The following SLC25A25 variants were observed in gnomAD, a reference collection of about 807,000 sequenced individuals.
The protein encoded by SLC25A25 is solute carrier family 25 member 25.
SLC25A25 carries 32 observed loss-of-function variants against 57.7 expected under a neutral mutation model. The ratio of observed to expected loss-of-function variants is 0.55; its 90% CI spans 0.42 to 0.74. The LOEUF (loss-of-function observed/expected upper bound fraction) is 0.74, where lower values mean the gene tolerates loss of function less well. Among genes scored for constraint, SLC25A25 ranks in the 30% least tolerant of loss-of-function variants. The pLI is 0.00. For missense variants in SLC25A25, 556 were observed against 701.3 expected, an observed-to-expected ratio of 0.79 and a Z score of 2.34; for synonymous variants, 306 against 291.2, an observed-to-expected ratio of 1.05 and a Z score of -0.52.
chr9:128,094,970 G>T (rs1007865726), intron 1 of SLC25A25, among the ~76,000 whole-genome samples: 3 of 152,210 alleles, frequency 2.0e-5, no homozygotes, highest in Non-Finnish European at 4.4e-5. Flanking sequence ...CACAAAGTCA[G>T]AATAATAAAG....
chr9:128,073,029 C>CT (rs760406880), intron 1 of SLC25A25, among the ~76,000 whole-genome samples: 3 of 152,172 alleles, frequency 2.0e-5, no homozygotes, highest in Non-Finnish European at 4.4e-5. Context: ...CACACCATCT[C>CT]TTTTGAGCCC....
chr9:128,074,043 T>C (rs1832957978), intron 1 of SLC25A25, among the ~76,000 whole-genome samples: 1 of 149,018 alleles, frequency 6.7e-6, no homozygotes, highest in South Asian at 2.1e-4. Flanking sequence ...CTTGAGAAGA[T>C]TTTTTTGTGT....
chr9:128,072,115 G>C (rs886722036), intron 1 of SLC25A25, among the ~76,000 whole-genome samples: 2 of 152,226 alleles, frequency 1.3e-5, no homozygotes, highest in African/African-American at 4.8e-5. Flanking sequence ...CTGTAAAGGA[G>C]CACAAGTTAG....
In SLC25A25 at chr9:128,108,329, G is replaced by C; in HGVS notation, c.*885G>C. ...CTTAATTATGGACTGTTGGGAAAAG[G>C]GTTTTGTCCAGAAGGACAAGCCGGA... On this transcript the variant is annotated 3_prime_UTR_variant, in exon 11 of 11. Transcript: ENST00000373069. The C allele has an allele frequency of 2.5e-6, 1 of 398,600 alleles. No homozygotes were observed. Among genetic ancestry groups the C allele is most frequent in the Non-Finnish European group, 4.4e-6 (1 of 226,080 alleles). The allele number at this position is 398,600 out of a possible 1,614,324, so 24.7% of individuals were successfully genotyped here.
rs566662551 is a variant in SLC25A25, at chr9:128,103,067, G to A, written c.624+586G>A. Among the ~76,000 whole-genome samples the A allele has an allele frequency of 6.6e-6, 1 of 152,178 alleles. No individual in the cohort carries two copies. Among genetic ancestry groups the A allele is most frequent in the Non-Finnish European group, 1.5e-5 (1 of 68,024 alleles). ...CGCTCCAGGAGGGGAGGCCAGAGGC[G>A]CTCCTCATCTGCCTCTCGCAGTGCC... On this transcript the variant is annotated intron_variant, in intron 5 of 10. Transcript: ENST00000373069. This position sits in a 1 kb window ranked among gnomAD's most constrained non-coding sequence, Gnocchi z 6.7.
intron 1 of SLC25A25, among the ~76,000 whole-genome samples, chr9:128,087,577 A>G (rs756224620): frequency 6.6e-6 from 1 of 152,190 alleles, no homozygotes; most frequent in Non-Finnish European, 1.5e-5. Flanking sequence ...TTTGTTGAGC[A>G]TCTTAGATTT....
chr9:128,071,608 C>T (rs1832909866), intron 1 of SLC25A25, among the ~76,000 whole-genome samples: 1 of 142,834 alleles, frequency 7.0e-6, no homozygotes. Flanking sequence ...AATGGGGTTT[C>T]ACCATGTTGG....
intron 1 of SLC25A25, among the ~76,000 whole-genome samples, chr9:128,072,697 CA>C (rs201092919): frequency 0.016 from 2,389 of 150,584 alleles, 59 homozygotes; most frequent in African/African-American, 0.056. Flanking sequence ...TGTTCTGGGA[CA>C]AAAAAAGGGA....
At position 128,101,292 on chromosome 9, in the gene SLC25A25, G is replaced by A. The variant is rs753524181; in HGVS notation, c.389-17G>A. The A allele has an allele frequency of 9.3e-6, 15 of 1,614,062 alleles. No homozygotes were observed. Among genetic ancestry groups the A allele is most frequent in the Middle Eastern group, 1.6e-4 (1 of 6,074 alleles). On this transcript the variant is annotated splice_polypyrimidine_tract_variant and intron_variant, in intron 2 of 10. Coordinates refer to ENST00000373069, the MANE Select transcript of SLC25A25 (RefSeq NM_001330988.2). The surrounding 1 kb of genome is among the most constrained non-coding windows in gnomAD (Gnocchi z 4.9). ...CCCCGTGCGCCTGGCTCCTGCTCAC[G>A]GCCTCTGTTCTTGCAGGACGCATTG...
intron 1 of SLC25A25, among the ~76,000 whole-genome samples, chr9:128,087,532 A>G (rs373692190): frequency 2.7e-4 from 41 of 152,302 alleles, no homozygotes; most frequent in African/African-American, 9.9e-4. Flanking sequence ...GTGATGTGCC[A>G]GAGTTCGTTT....
In SLC25A25 at chr9:128,086,189, A is replaced by T. The variant is rs963619321; in HGVS notation, c.262-14907A>T. ...TTGTTGTTGTTTTTTTTTAGACAAG[A>T]TCTCACTCTGTTGCCCAGGCTAGAA... On this transcript the variant is annotated intron_variant, in intron 1 of 10. Coordinates refer to ENST00000373069, the MANE Select transcript of SLC25A25 (RefSeq NM_001330988.2). Among the ~76,000 whole-genome samples, 3 of 151,496 alleles carry T rather than the reference A, an allele frequency of 2.0e-5. No individual in the cohort carries two copies. The East Asian group carries it at 5.8e-4, about 29-fold the overall frequency.
At chr9:128,100,890 G>C in intron 1 of SLC25A25, 1 of 624,022 alleles carries the variant, frequency 1.6e-6, no homozygotes, top group South Asian at 2.0e-5. Flanking sequence ...CCTGGGTTCT[G>C]GCCAGCACCT....
In SLC25A25 at chr9:128,107,026, T is replaced by C. The variant is rs1162216508; in HGVS notation, c.1213-3T>C. On this transcript the variant is annotated splice_region_variant and splice_polypyrimidine_tract_variant and intron_variant, in intron 9 of 10. Transcript: ENST00000373069. The stretch of plus-strand genomic sequence containing the variant: ...CTTATCCCATGCTCCCTTCTCCTTC[T>C]AGACGCTCAAGAATGCCTGGCTGCA... 1.2e-6 allele frequency: 2 copies of C among 1,613,560 alleles called. No homozygotes were observed. Among genetic ancestry groups the C allele is most frequent in the Non-Finnish European group, 1.7e-6 (2 of 1,179,716 alleles).
rs1833893816 is a variant in SLC25A25 at position 128,103,574 on chromosome 9, G to A, written c.625-107G>A. On this transcript the variant is annotated intron_variant, in intron 5 of 10. Coordinates refer to ENST00000373069, the MANE Select transcript of SLC25A25 (RefSeq NM_001330988.2). The surrounding 1 kb of genome is among the most constrained non-coding windows in gnomAD (Gnocchi z 6.7). Reference sequence around the variant, plus strand: ...ACCCAGAGTCCTTGGCCTTCTCCCTGTCCTGTGGTCCCTGGCCTGGAGCCG... The same window carrying A: ...ACCCAGAGTCCTTGGCCTTCTCCCTATCCTGTGGTCCCTGGCCTGGAGCCG... 7.0e-7 allele frequency: 1 copy of A among 1,432,612 alleles called. No individual in the cohort carries two copies. Among genetic ancestry groups the A allele is most frequent in the Non-Finnish European group, 9.7e-7 (1 of 1,029,208 alleles). The allele number at this position is 1,432,612 out of a possible 1,614,324, so 88.7% of individuals were successfully genotyped here.
intron 1 of SLC25A25, among the ~76,000 whole-genome samples, chr9:128,076,402 A>T (rs1036288132): frequency 2.6e-5 from 4 of 152,126 alleles, no homozygotes; most frequent in African/African-American, 9.7e-5. Flanking sequence ...AAGTGTTAGG[A>T]TTACAGGCAT....
chr9:128,099,901 G>A lies in SLC25A25; in HGVS notation c.262-1195G>A, dbSNP rs972003509. Among the ~76,000 whole-genome samples the A allele has an allele frequency of 6.6e-6, 1 of 152,234 alleles. No individual in the cohort carries two copies. The highest frequency in any genetic ancestry group is 1.5e-5 in the Non-Finnish European group (1 of 68,052). On this transcript the variant is annotated intron_variant, in intron 1 of 10. Coordinates refer to ENST00000373069, the MANE Select transcript of SLC25A25 (RefSeq NM_001330988.2). The surrounding 1 kb of genome is among the most constrained non-coding windows in gnomAD (Gnocchi z 6.8). ...CCCAGTGAGAAATCCGGAGGACACA[G>A]GAAGACTATACCATCTTCCTTGGGA...
At chr9:128,093,932 G>A (rs1015660953) in intron 1 of SLC25A25, among the ~76,000 whole-genome samples, 18 of 152,170 alleles carry the variant, frequency 1.2e-4, no homozygotes, top group African/African-American at 3.4e-4. Flanking sequence ...GACAGATCAC[G>A]AGGTCAGGAG....
intron 1 of SLC25A25, among the ~76,000 whole-genome samples, chr9:128,085,943 C>T (rs552333343): frequency 3.3e-5 from 5 of 151,678 alleles, no homozygotes; most frequent in African/African-American, 7.3e-5. Context: ...TGGCCTCAAG[C>T]GATCCTCCCA....
intron 1 of SLC25A25, among the ~76,000 whole-genome samples, chr9:128,079,311 TTGGC>T (rs758356285): frequency 1.5e-4 from 23 of 151,650 alleles, no homozygotes; most frequent in Non-Finnish European, 3.4e-4. Context: ...TCCCTCCCTG[TTGGC>T]TGGAGTCTAA....
Sources: allele counts gnomAD v4.1 joint callset (sites outside exome capture counted in the v4.1 genomes callset), GRCh38; gene constraint gnomAD v4.1.1; non-coding constraint Gnocchi (gnomAD v3.1); transcripts MANE v1.5; gene names NCBI Gene and HGNC (gene_info 2026-07-23, HGNC 2026-07-21).